The following ITSN1 variants were observed in gnomAD, a reference collection of about 807,000 sequenced individuals.
ITSN1 encodes the protein intersectin 1.
Under a neutral mutation model 239.8 loss-of-function variants are expected in ITSN1, and 58 were observed. The observed-to-expected ratio is 0.24, with a 90% CI of 0.20 to 0.30. The LOEUF (loss-of-function observed/expected upper bound fraction) is 0.30. Among genes scored for constraint, ITSN1 ranks in the 10% least tolerant of loss-of-function variants. The pLI is 1.00. For synonymous variants in ITSN1, 780 were observed against 770.8 expected, an observed-to-expected ratio of 1.01 and a Z score of -0.20; for missense variants, 1,558 against 2,103.3, an observed-to-expected ratio of 0.74 and a Z score of 5.07.
chr21:33,818,238 G>A (rs761221559), intron 22 of ITSN1, 29 bp from the exon 23 acceptor site: 37 of 1,596,242 alleles, frequency 2.3e-5, no homozygotes, highest in Non-Finnish European at 2.8e-5. Context: ...GCAACATAAC[G>A]AGAGGTCCTT....
chr21:33,885,479 G>A lies in ITSN1; in HGVS notation c.4800G>A (p.Val1600=). ...CAACAGGCATTGGAAGGTTGATGGT[G>A]AACGTGGTTGAAGGCATCGAGTTGA... The part of the protein sequence containing the change: ...QRATGIGRLM[V]NVVEGIELKP... The change falls in exon 38 of 40, where the codon GTG becomes GTA. Residue 1600 remains valine, a synonymous_variant. Transcript: ENST00000381318. 6.2e-7 allele frequency: 1 copy of A among 1,614,132 alleles called. No individual in the cohort carries two copies.
chr21:33,759,574 A>G (rs2068149404), intron 8 of ITSN1, among the ~76,000 whole-genome samples: 1 of 152,250 alleles, frequency 6.6e-6, no homozygotes, highest in Non-Finnish European at 1.5e-5. Context: ...ATACAATGTT[A>G]CAGACTAAAG....
intron 34 of ITSN1, among the ~76,000 whole-genome samples, chr21:33,879,761 C>T (rs1408270408): frequency 1.3e-5 from 2 of 152,138 alleles, no homozygotes; most frequent in Non-Finnish European, 2.9e-5. Context: ...CTCACTGCAA[C>T]CTCCACCTCA....
intron 1 of ITSN1, among the ~76,000 whole-genome samples, chr21:33,655,102 A>G (rs1158414434): frequency 6.6e-6 from 1 of 152,178 alleles, no homozygotes; most frequent in Non-Finnish European, 1.5e-5. Flanking sequence ...GGATAGCAAG[A>G]AACATGGAAG....
At chr21:33,833,741 G>A (rs536707500) in intron 27 of ITSN1, among the ~76,000 whole-genome samples, 93 of 152,158 alleles carry the variant, frequency 6.1e-4, no homozygotes, top group Middle Eastern at 3.4e-3. Flanking sequence ...CATGGTTGCG[G>A]TGTGCCTGTA....
intron 8 of ITSN1, chr21:33,757,124 A>G (rs1407776826): frequency 6.6e-6 from 1 of 152,224 alleles, no homozygotes; most frequent in Non-Finnish European, 1.5e-5. Flanking sequence ...TTTGTTTGAC[A>G]CCAGTGCTCC....
At chr21:33,805,796 C>T (rs1046906651) in intron 20 of ITSN1, among the ~76,000 whole-genome samples, 6 of 151,320 alleles carry the variant, frequency 4.0e-5, no homozygotes, top group Non-Finnish European at 5.9e-5. Flanking sequence ...CTCAGCCTCC[C>T]GAGTAGCTAG....
At position 33,889,080 on chromosome 21, in the gene ITSN1, A is replaced by G. The variant is rs1986175053; in HGVS notation, c.*780A>G. On this transcript the variant is annotated 3_prime_UTR_variant, in exon 40 of 40. Transcript: ENST00000381318. Reference sequence around the variant, plus strand: ...CCCCTCTGCTGGATCAGATCACTACAGGTCACTGGAAAGGCAACTTTACAA... The same window carrying G: ...CCCCTCTGCTGGATCAGATCACTACGGGTCACTGGAAAGGCAACTTTACAA... The G allele has an allele frequency of 2.0e-5, 3 of 151,752 alleles. No individual in the cohort carries two copies. Among genetic ancestry groups the G allele is most frequent in the Admixed American group, 2.0e-4 (3 of 15,188 alleles). The allele number at this position is 151,752 out of a possible 1,614,324, so 9.4% of individuals were successfully genotyped here. A position where few individuals can be genotyped will look rare whatever the true frequency, so the allele number is the denominator to read the frequency against.
chr21:33,702,967 C>T (rs1195880185), intron 1 of ITSN1, among the ~76,000 whole-genome samples: 1 of 151,896 alleles, frequency 6.6e-6, no homozygotes, highest in African/African-American at 2.4e-5. Context: ...ATTCCAGCTA[C>T]TCGGGAGGCT....
intron 27 of ITSN1, among the ~76,000 whole-genome samples, chr21:33,834,003 G>C (rs1488323926): frequency 6.6e-6 from 1 of 151,996 alleles, no homozygotes; most frequent in Non-Finnish European, 1.5e-5. Context: ...ATTAACAGCT[G>C]AGTGCTAGCA....
In ITSN1 at chr21:33,693,426, G is replaced by A. The variant is rs192444161; in HGVS notation, c.-32-25371G>A. Among the ~76,000 whole-genome samples, 474 of 151,088 alleles carry A rather than the reference G, an allele frequency of 3.1e-3. 1 individual carries two copies. Among genetic ancestry groups the A allele is most frequent in the East Asian group, 6.3e-3 (32 of 5,116 alleles). ...GGCTGGAGTGCAATGGTGTGATCTCGGCTCACTGCAACCTCCGCCTCCCAG... is the reference window on the plus strand; with the variant it reads ...GGCTGGAGTGCAATGGTGTGATCTCAGCTCACTGCAACCTCCGCCTCCCAG... On this transcript the variant is annotated intron_variant, in intron 1 of 39. Coordinates refer to ENST00000381318, the MANE Select transcript of ITSN1 (RefSeq NM_003024.3).
rs543656662 is a variant in ITSN1 at position 33,895,659 on chromosome 21, A to T, written c.*7359A>T. On this transcript the variant is annotated 3_prime_UTR_variant, in exon 40 of 40. Coordinates refer to ENST00000381318, the MANE Select transcript of ITSN1 (RefSeq NM_003024.3). ...TGTGTGTGCGTGTGTATGTGCGTGTATGCATGTGCATGTTTGTGTGTGCGT... is the reference window on the plus strand; with the variant it reads ...TGTGTGTGCGTGTGTATGTGCGTGTTTGCATGTGCATGTTTGTGTGTGCGT... 7.0e-6 allele frequency: 1 copy of T among 142,068 alleles called. No homozygotes were observed. The highest frequency in any genetic ancestry group is 2.1e-4 in the East Asian group (1 of 4,744). The allele number at this position is 142,068 out of a possible 1,614,324, so 8.8% of individuals were successfully genotyped here.
chr21:33,877,324 G>A (rs1345896501), intron 34 of ITSN1, among the ~76,000 whole-genome samples: 2 of 152,084 alleles, frequency 1.3e-5, no homozygotes, highest in Non-Finnish European at 2.9e-5. Context: ...AAAGTGCTGG[G>A]ATTACAGGCG....
At chr21:33,820,035 G>A (rs1441229110) in intron 24 of ITSN1, among the ~76,000 whole-genome samples, 1 of 152,030 alleles carries the variant, frequency 6.6e-6, no homozygotes, top group African/African-American at 2.4e-5. Context: ...CAGACCACTA[G>A]AGTTCTCATA....
At chr21:33,875,096 G>A (rs939443979) in intron 33 of ITSN1, among the ~76,000 whole-genome samples, 1 of 152,254 alleles carries the variant, frequency 6.6e-6, no homozygotes, top group Admixed American at 6.5e-5. Flanking sequence ...TGGACATTCA[G>A]GGTGTGGGGC....
intron 8 of ITSN1, among the ~76,000 whole-genome samples, chr21:33,760,568 A>T (rs1487240367): frequency 1.3e-5 from 2 of 152,194 alleles, no homozygotes; most frequent in Non-Finnish European, 2.9e-5. Context: ...AATGGATCAT[A>T]GACTGGTTTA....
intron 24 of ITSN1, among the ~76,000 whole-genome samples, chr21:33,823,009 A>G (rs749118496): frequency 6.6e-6 from 1 of 152,232 alleles, no homozygotes; most frequent in Non-Finnish European, 1.5e-5. Context: ...CTATCTAACA[A>G]TTTTTTAAAA....
chr21:33,718,336 T>C (rs989034883), intron 1 of ITSN1, among the ~76,000 whole-genome samples: 7 of 152,212 alleles, frequency 4.6e-5, no homozygotes, highest in Non-Finnish European at 1.0e-4. Context: ...TCCATGGGTT[T>C]CACAGAGTCC....
chr21:33,659,033 TG>T (rs2089329285), intron 1 of ITSN1, among the ~76,000 whole-genome samples: 1 of 152,084 alleles, frequency 6.6e-6, no homozygotes, highest in South Asian at 2.1e-4. Flanking sequence ...ACTGCAGGAT[TG>T]GAGGGTTGGA....
Sources: allele counts gnomAD v4.1 joint callset (sites outside exome capture counted in the v4.1 genomes callset), GRCh38; gene constraint gnomAD v4.1.1; transcripts MANE v1.5; gene names NCBI Gene and HGNC (gene_info 2026-07-23, HGNC 2026-07-21).